RNF19A: variants seen among roughly 807,000 people sequenced by gnomAD.
The protein encoded by RNF19A is E3 ubiquitin-protein ligase RNF19A.
Under a neutral mutation model 75.7 loss-of-function variants are expected in RNF19A, and 32 were observed. That is an observed-to-expected ratio of 0.42 (90% CI 0.32 to 0.57). The LOEUF (loss-of-function observed/expected upper bound fraction) is 0.57, where lower values mean the gene tolerates loss of function less well. Among genes scored for constraint, RNF19A ranks in the 20% least tolerant of loss-of-function variants. The probability of loss-of-function intolerance (pLI) is 0.10; values close to 1 mark genes in which losing one functional copy is unlikely to be tolerated. For missense variants in RNF19A, 782 were observed against 1,036.3 expected, an observed-to-expected ratio of 0.75 and a Z score of 3.37; for synonymous variants, 335 against 345.2, an observed-to-expected ratio of 0.97 and a Z score of 0.33.
chr8:100,309,450 C>T (rs1463567811), intron 1 of RNF19A: 5 of 985,520 alleles, frequency 5.1e-6, no homozygotes, highest in Non-Finnish European at 4.8e-6. Flanking sequence ...GCCGCCTCCC[C>T]GCGGCAACCG....
At position 100,322,881 on chromosome 8, in the gene RNF19A, G is replaced by A. The variant is rs965839349; in HGVS notation, c.-242-9509C>T. 2.6e-5 allele frequency among the ~76,000 whole-genome samples: 4 copies of A among 152,118 alleles called. No homozygotes were observed. The highest frequency in any genetic ancestry group is 1.9e-4 in the East Asian group (1 of 5,202). On this transcript the variant is annotated intron_variant, in intron 1 of 3. Transcript: ENST00000519527. The surrounding 1 kb of genome is among the most constrained non-coding windows in gnomAD (Gnocchi z 5.1). ...ATTTATTAAGTTCACTGTCTTCAGT[G>A]GGAGTGGTTCATGGCACTTCAAAAC... is the stretch of plus-strand genomic sequence containing the variant.
intron 1 of RNF19A, among the ~76,000 whole-genome samples, chr8:100,307,656 T>C (rs542985903): frequency 6.6e-6 from 1 of 152,238 alleles, no homozygotes; most frequent in African/African-American, 2.4e-5. Context: ...CATATTTAAT[T>C]CTAAACAACC....
chr8:100,281,056 C>T (rs1272631537), intron 2 of RNF19A, among the ~76,000 whole-genome samples: 1 of 152,186 alleles, frequency 6.6e-6, no homozygotes, highest in Non-Finnish European at 1.5e-5. Flanking sequence ...AGCCCCCAGA[C>T]CTTAGTTTAG....
chr8:100,309,995 G>C (rs1822239327), upstream of RNF19A: 1 of 985,528 alleles, frequency 1.0e-6, no homozygotes, highest in Admixed American at 6.1e-5. Context: ...CTCTCAACCG[G>C]GGCGGAGACG....
intron 2 of RNF19A, among the ~76,000 whole-genome samples, chr8:100,276,922 A>G (rs1820548610): frequency 6.6e-6 from 1 of 152,070 alleles, no homozygotes; most frequent in African/African-American, 2.4e-5. Flanking sequence ...GTCTATGCCA[A>G]TATCCTGGTT....
rs754058722 is a variant in RNF19A, at chr8:100,259,275, A to AT, written c.1827-30dup. On this transcript the variant is annotated intron_variant, in intron 9 of 9. Coordinates refer to ENST00000341084, the MANE Select transcript of RNF19A (RefSeq NM_183419.4). This position sits in a 1 kb window ranked among gnomAD's most constrained non-coding sequence, Gnocchi z 4.5. ...AAATATAAGAGTAACAAATACAAAC[A>AT]TAATTGCTGACTTCTTTTTGTTCAG... 1.3e-6 allele frequency: 2 copies of AT among 1,548,398 alleles called. No individual in the cohort carries two copies. Among genetic ancestry groups the AT allele is most frequent in the South Asian group, 2.3e-5 (2 of 85,406 alleles).
At position 100,269,354 on chromosome 8, in the gene RNF19A, T is replaced by C. The variant is rs1820143939; in HGVS notation, c.1029-407A>G. Among the ~76,000 whole-genome samples the C allele has an allele frequency of 6.6e-6, 1 of 151,654 alleles. No individual in the cohort carries two copies. The highest frequency in any genetic ancestry group is 1.5e-5 in the Non-Finnish European group (1 of 67,908). On this transcript the variant is annotated intron_variant, in intron 4 of 9. Transcript: ENST00000341084. This position sits in a 1 kb window ranked among gnomAD's most constrained non-coding sequence, Gnocchi z 5.7. ...TAGCCTAAACGATAAAATTTATGTA[T>C]GGGAAAATTCAATGAAGTATAAGGT...
intron 3 of RNF19A, among the ~76,000 whole-genome samples, chr8:100,274,236 A>G (rs1161708061): frequency 6.6e-6 from 1 of 151,988 alleles, no homozygotes; most frequent in African/African-American, 2.4e-5. Context: ...ATAAATACAC[A>G]CCCCCAACTT....
At chr8:100,291,967 CTTTTTTT>C (rs56737985) in intron 1 of RNF19A, among the ~76,000 whole-genome samples, 6 of 99,988 alleles carry the variant, frequency 6.0e-5, no homozygotes, top group Non-Finnish European at 9.7e-5. Flanking sequence ...AGGACTAAGT[CTTTTTTT>C]TTTTTTTTTT....
In RNF19A at chr8:100,264,402, G is replaced by GA; in HGVS notation, c.1307-208dup. 1.7e-6 allele frequency: 1 copy of GA among 583,600 alleles called. No homozygotes were observed. The highest frequency in any genetic ancestry group is 2.8e-5 in the East Asian group (1 of 35,478). The allele number at this position is 583,600 out of a possible 1,614,324, so 36.2% of individuals were successfully genotyped here. Reference sequence around the variant, plus strand: ...GCCTTTCAGGTAATGCACATAAGGGGAAAAAGAGAGAGATGCAAACTTTTT... The same window carrying GA: ...GCCTTTCAGGTAATGCACATAAGGGGAAAAAAGAGAGAGATGCAAACTTTTT... On this transcript the variant is annotated intron_variant, in intron 6 of 9. Coordinates refer to ENST00000341084, the MANE Select transcript of RNF19A (RefSeq NM_183419.4). This position sits in a 1 kb window ranked among gnomAD's most constrained non-coding sequence, Gnocchi z 4.7.
In RNF19A at chr8:100,322,225, T is replaced by C. The variant is rs1279682084; in HGVS notation, c.-242-8853A>G. On this transcript the variant is annotated intron_variant, in intron 1 of 3. Transcript: ENST00000519527. The surrounding 1 kb of genome is among the most constrained non-coding windows in gnomAD (Gnocchi z 5.1). ...GAGTCTGTTTAGTCTATATTGAAAA[T>C]CTGTTGTTTAGTATAGTCCCTTTTA... 1.3e-5 allele frequency among the ~76,000 whole-genome samples: 2 copies of C among 152,202 alleles called. No homozygotes were observed. Among genetic ancestry groups the C allele is most frequent in the Admixed American group, 1.3e-4 (2 of 15,288 alleles).
chr8:100,280,057 C>A (rs1049744684), intron 2 of RNF19A, among the ~76,000 whole-genome samples: 11 of 152,136 alleles, frequency 7.2e-5, no homozygotes, highest in African/African-American at 2.7e-4. Context: ...TACTTATAAT[C>A]ATAATTCCTC....
intron 2 of RNF19A, among the ~76,000 whole-genome samples, chr8:100,279,677 C>T (rs961109511): frequency 6.6e-6 from 1 of 152,188 alleles, no homozygotes; most frequent in South Asian, 2.1e-4. Context: ...GGGCGCATCA[C>T]CATGCTTGGC....
Position 100,287,921 on chromosome 8 carries a change from T to C in RNF19A, c.254A>G (p.Asn85Ser). Residue 85 changes from asparagine (N) to serine (S), a missense_variant, in exon 2 of 10, where the codon AAT becomes AGT. Physicochemically the swap from Asn to Ser is conservative, Grantham distance 46. Transcript: ENST00000341084. This position sits in a 1 kb window ranked among gnomAD's most constrained non-coding sequence, Gnocchi z 4.1. ...KDNKRKSREL[N>S]GGVDGIASIE... ...ACTTGCAATTCCATCCACCCCGCCA[T>C]TTAGCTCCCTTGATTTACGTTTGTT... is the stretch of plus-strand genomic sequence containing the variant. 6.2e-7 allele frequency: 1 copy of C among 1,614,210 alleles called. No individual in the cohort carries two copies. Among genetic ancestry groups the C allele is most frequent in the Non-Finnish European group, 8.5e-7 (1 of 1,180,026 alleles).
chr8:100,298,181 T>C (rs1212949730), intron 1 of RNF19A, among the ~76,000 whole-genome samples: 3 of 144,650 alleles, frequency 2.1e-5, no homozygotes, highest in African/African-American at 8.0e-5. Context: ...TGTACCTAAA[T>C]TTACCATGTA....
chr8:100,289,001 A>G (rs1821165149), intron 1 of RNF19A, among the ~76,000 whole-genome samples: 1 of 148,840 alleles, frequency 6.7e-6, no homozygotes, highest in Non-Finnish European at 1.5e-5. Flanking sequence ...TGGAGCTTGC[A>G]GTGAGCCGAG....
At position 100,257,644 on chromosome 8, in the gene RNF19A, T is replaced by C. The variant is rs76256696; in HGVS notation, c.*912A>G. The stretch of plus-strand genomic sequence containing the variant: ...GCATTATTAATCACATTCATGTTTA[T>C]CTATTTCCTGTATTTTTATATATAA... On this transcript the variant is annotated 3_prime_UTR_variant, in exon 10 of 10. Coordinates refer to ENST00000341084, the MANE Select transcript of RNF19A (RefSeq NM_183419.4). 4,226 of 183,768 alleles carry C rather than the reference T, an allele frequency of 0.023. 80 individuals carry two copies. The highest frequency in any genetic ancestry group is 0.035 in the Non-Finnish European group (3,081 of 89,150). The allele number at this position is 183,768 out of a possible 1,614,324, so 11.4% of individuals were successfully genotyped here. A position where few individuals can be genotyped will look rare whatever the true frequency, so the allele number is the denominator to read the frequency against.
intron 2 of RNF19A, among the ~76,000 whole-genome samples, chr8:100,279,638 C>T (rs1407712983): frequency 6.6e-6 from 1 of 152,124 alleles, no homozygotes; most frequent in Non-Finnish European, 1.5e-5. Context: ...CTGCAACGTC[C>T]GCCTCCCAGG....
intron 2 of RNF19A, among the ~76,000 whole-genome samples, chr8:100,276,153 G>A (rs558624715): frequency 4.6e-5 from 7 of 152,210 alleles, no homozygotes; most frequent in South Asian, 2.1e-4. Context: ...GTACACTAAT[G>A]TTCAAAGCAG....
Sources: allele counts gnomAD v4.1 joint callset (sites outside exome capture counted in the v4.1 genomes callset), GRCh38; gene constraint gnomAD v4.1.1; non-coding constraint Gnocchi (gnomAD v3.1); transcripts MANE v1.5; gene names NCBI Gene and HGNC (gene_info 2026-07-23, HGNC 2026-07-21).